The following NTM variants were observed in gnomAD, a reference collection of about 807,000 sequenced individuals.
The protein encoded by NTM is IgLON family member 2.
Under a neutral mutation model 42.1 loss-of-function variants are expected in NTM, and 13 were observed. The observed-to-expected ratio is 0.31, with a 90% CI of 0.20 to 0.49. The LOEUF (loss-of-function observed/expected upper bound fraction) is 0.49, where lower values mean the gene tolerates loss of function less well. Among genes scored for constraint, NTM ranks in the 20% least tolerant of loss-of-function variants. The pLI, the probability that NTM is intolerant of heterozygous loss-of-function variation, is 0.99. For missense variants in NTM, 373 were observed against 452.8 expected, an observed-to-expected ratio of 0.82 and a Z score of 1.60; for synonymous variants, 187 against 179.2, an observed-to-expected ratio of 1.04 and a Z score of -0.35.
chr11:131,667,901 T>C (rs2069364043), intron 1 of NTM, among the ~76,000 whole-genome samples: 1 of 152,206 alleles, frequency 6.6e-6, no homozygotes, highest in Non-Finnish European at 1.5e-5. Flanking sequence ...CTCTTCCCAC[T>C]GCTGGGTTTT....
chr11:131,587,863 G>T (rs2059011839), intron 1 of NTM, among the ~76,000 whole-genome samples: 1 of 152,172 alleles, frequency 6.6e-6, no homozygotes, highest in African/African-American at 2.4e-5. Context: ...CAAGTTCAGG[G>T]CTGGTGGAAT....
chr11:131,720,742 T>C (rs572795558), intron 1 of NTM, among the ~76,000 whole-genome samples: 1 of 152,318 alleles, frequency 6.6e-6, no homozygotes, highest in African/African-American at 2.4e-5. Context: ...TGGTTACAAC[T>C]TCCAACTGTG....
intron 1 of NTM, among the ~76,000 whole-genome samples, chr11:131,820,616 T>C (rs1439852177): frequency 4.6e-5 from 7 of 152,238 alleles, no homozygotes; most frequent in Non-Finnish European, 7.3e-5. Flanking sequence ...CAGAGTTCAC[T>C]ATCCTTAATT....
chr11:131,400,259 C>T (rs754311306), intron 1 of NTM, among the ~76,000 whole-genome samples: 6 of 152,236 alleles, frequency 3.9e-5, no homozygotes, highest in South Asian at 4.2e-4. Context: ...CCAGCTGTCC[C>T]GAAGCAATTG....
At chr11:131,611,409 C>T (rs759091031) in intron 1 of NTM, among the ~76,000 whole-genome samples, 15 of 152,196 alleles carry the variant, frequency 9.9e-5, no homozygotes, top group South Asian at 2.1e-4. Flanking sequence ...TATAATCACA[C>T]GCTACACGCT....
At chr11:131,863,082 C>T (rs1414986160) in intron 1 of NTM, among the ~76,000 whole-genome samples, 1 of 152,198 alleles carries the variant, frequency 6.6e-6, no homozygotes, top group Non-Finnish European at 1.5e-5. Flanking sequence ...TATTGACTTC[C>T]TCCATTTGCA....
At chr11:131,966,119 T>C (rs892154344) in intron 2 of NTM, among the ~76,000 whole-genome samples, 4 of 152,144 alleles carry the variant, frequency 2.6e-5, no homozygotes, top group African/African-American at 9.7e-5. Flanking sequence ...TTTGCATTTG[T>C]GTGATAAAAA....
intron 1 of NTM, among the ~76,000 whole-genome samples, chr11:131,385,922 A>C (rs1943261900): frequency 6.6e-6 from 1 of 152,240 alleles, no homozygotes; most frequent in Admixed American, 6.5e-5. Flanking sequence ...ATTGGAAAAA[A>C]ATAAGCTAAA....
In NTM at chr11:131,775,915, T is replaced by A. The variant is rs191212580; in HGVS notation, c.83-135649T>A. ...TAAGTGACTATTTGGGATAGTGCATTTATTAGGGCAGACTAAGTGCTTTGA... is the reference window on the plus strand; with the variant it reads ...TAAGTGACTATTTGGGATAGTGCATATATTAGGGCAGACTAAGTGCTTTGA... On this transcript the variant is annotated intron_variant, in intron 1 of 8. Transcript: ENST00000683400. 1.6e-4 allele frequency among the ~76,000 whole-genome samples: 24 copies of A among 152,240 alleles called. No individual in the cohort carries two copies. In the East Asian group the frequency reaches 3.7e-3, roughly 23 times the overall value.
At chr11:132,241,499 T>C (rs1435415133) in intron 4 of NTM, among the ~76,000 whole-genome samples, 1 of 152,138 alleles carries the variant, frequency 6.6e-6, no homozygotes, top group African/African-American at 2.4e-5. Context: ...ATGAGCCAAA[T>C]CAACTAATGG....
chr11:132,248,826 A>G (rs3133871), intron 4 of NTM, among the ~76,000 whole-genome samples: 72,350 of 152,118 alleles, frequency 0.48, 17,527 homozygotes, highest in Middle Eastern at 0.54. Context: ...GCTCAGCTGC[A>G]CTGCCAATCA....
intron 1 of NTM, among the ~76,000 whole-genome samples, chr11:131,479,775 G>A (rs1953353123): frequency 6.6e-6 from 1 of 152,180 alleles, no homozygotes; most frequent in Non-Finnish European, 1.5e-5. Context: ...AAAGGTGCAG[G>A]TGATATGCAA....
chr11:132,207,667 T>TAACA (rs2082197626), intron 3 of NTM, among the ~76,000 whole-genome samples: 1 of 152,122 alleles, frequency 6.6e-6, no homozygotes, highest in South Asian at 2.1e-4. Flanking sequence ...CTTCTTCCAT[T>TAACA]AACAGTTGTG....
intron 1 of NTM, among the ~76,000 whole-genome samples, chr11:131,866,814 A>G (rs191546772): frequency 9.2e-5 from 14 of 152,302 alleles, no homozygotes; most frequent in African/African-American, 2.6e-4. Flanking sequence ...TTTCACTACA[A>G]TGTCGTGATT....
intron 4 of NTM, among the ~76,000 whole-genome samples, chr11:132,214,194 C>T (rs527343536): frequency 6.6e-6 from 1 of 152,284 alleles, no homozygotes; most frequent in African/African-American, 2.4e-5. Flanking sequence ...GAAAATGGCC[C>T]TGGGCCCTTC....
intron 7 of NTM, among the ~76,000 whole-genome samples, chr11:132,316,762 G>GTATT (rs1198753460): frequency 2.6e-5 from 4 of 152,162 alleles, no homozygotes; most frequent in African/African-American, 9.7e-5. Flanking sequence ...TGTGAGATGA[G>GTATT]TATTTGCAGC....
At chr11:131,812,493 T>A (rs919146169) in intron 1 of NTM, among the ~76,000 whole-genome samples, 9 of 152,142 alleles carry the variant, frequency 5.9e-5, no homozygotes, top group Admixed American at 5.9e-4. Context: ...CTTCTCTCCA[T>A]CCCTCCTTTT....
At chr11:131,741,031 G>T (rs1264342207) in intron 1 of NTM, among the ~76,000 whole-genome samples, 1 of 152,114 alleles carries the variant, frequency 6.6e-6, no homozygotes, top group Admixed American at 6.6e-5. Flanking sequence ...CGGGCATGGT[G>T]GCAAGTGCCT....
At chr11:131,855,607 C>T (rs2046013749) in intron 1 of NTM, among the ~76,000 whole-genome samples, 1 of 152,210 alleles carries the variant, frequency 6.6e-6, no homozygotes, top group Non-Finnish European at 1.5e-5. Context: ...TGTATGTACA[C>T]TTGATAGCCT....
Sources: gnomAD v4.1 joint callset for allele counts (sites outside exome capture counted in the v4.1 genomes callset) on GRCh38, gnomAD v4.1.1 for gene constraint, MANE v1.5 for transcripts, NCBI Gene and HGNC (gene_info 2026-07-23, HGNC 2026-07-21) for gene names.